Variants in KCNC2 observed in about 807,000 individuals in gnomAD.
KCNC2 encodes voltage-gated potassium channel KCNC2.
A neutral mutation model predicts 44.5 loss-of-function variants in KCNC2; 21 were observed. The observed-to-expected ratio is 0.47, with a 90% CI of 0.33 to 0.68. KCNC2 has a LOEUF of 0.68. KCNC2 is among the 30% of genes least tolerant of loss of function. KCNC2 has a pLI of 0.01. For missense variants in KCNC2, 589 were observed against 826.2 expected (o/e 0.71, Z 3.52); for synonymous variants, 391 against 339.1 (o/e 1.15, Z -1.68).
chr12:75,169,512 A>G (rs1489544703), intron 2 of KCNC2, among the ~76,000 whole-genome samples: 2 of 151,578 alleles, frequency 1.3e-5, no homozygotes, highest in African/African-American at 4.8e-5. Context: ...TAAGATTACT[A>G]TGTCCCTCGG....
At chr12:75,169,914 C>T (rs760267595) in intron 2 of KCNC2, among the ~76,000 whole-genome samples, 3 of 151,582 alleles carry the variant, frequency 2.0e-5, no homozygotes, top group Non-Finnish European at 4.4e-5. Flanking sequence ...AAACCAAGGA[C>T]CTGATTGCTT....
chr12:75,111,378 G>A (rs909626321), intron 2 of KCNC2, among the ~76,000 whole-genome samples: 4 of 151,992 alleles, frequency 2.6e-5, no homozygotes, highest in Middle Eastern at 3.2e-3. Flanking sequence ...CCATTGCACT[G>A]CTTATCCATT....
At chr12:75,148,415 C>T (rs1038947738) in intron 2 of KCNC2, among the ~76,000 whole-genome samples, 7 of 151,992 alleles carry the variant, frequency 4.6e-5, no homozygotes, top group African/African-American at 1.7e-4. Flanking sequence ...TCTAAGCATC[C>T]TTAGGTCAGG....
intron 2 of KCNC2, among the ~76,000 whole-genome samples, chr12:75,153,530 T>C (rs1346360955): frequency 2.0e-5 from 3 of 151,822 alleles, no homozygotes; most frequent in East Asian, 1.9e-4. Flanking sequence ...GGTATATTAC[T>C]TAGTGATAGC....
intron 2 of KCNC2, among the ~76,000 whole-genome samples, chr12:75,195,468 GAGAA>G (rs2030679967): frequency 6.6e-6 from 1 of 152,110 alleles, no homozygotes; most frequent in Non-Finnish European, 1.5e-5. Flanking sequence ...AATCTTGAAT[GAGAA>G]AGAAGTCATA....
At chr12:75,049,577 G>T (rs567379710) in intron 3 of KCNC2, among the ~76,000 whole-genome samples, 1 of 152,116 alleles carries the variant, frequency 6.6e-6, no homozygotes, top group African/African-American at 2.4e-5. Flanking sequence ...GCAATGGGGA[G>T]GAGCAGAGAT....
At chr12:75,177,754 T>G (rs1892291865) in intron 2 of KCNC2, among the ~76,000 whole-genome samples, 1 of 152,068 alleles carries the variant, frequency 6.6e-6, no homozygotes, top group Non-Finnish European at 1.5e-5. Flanking sequence ...AAAATTTTAT[T>G]GTTTAAATTG....
At chr12:75,119,672 T>G (rs1022488642) in intron 2 of KCNC2, among the ~76,000 whole-genome samples, 2 of 152,188 alleles carry the variant, frequency 1.3e-5, no homozygotes, top group Non-Finnish European at 2.9e-5. Flanking sequence ...GTAGACTGCA[T>G]AGGCTTTGAG....
chr12:75,083,585 T>C (rs1049877127), intron 2 of KCNC2, among the ~76,000 whole-genome samples: 9 of 151,930 alleles, frequency 5.9e-5, no homozygotes, highest in African/African-American at 2.2e-4. Context: ...TCACATAAAA[T>C]TGGGCTACAA....
chr12:75,104,540 G>A (rs1203381955), intron 2 of KCNC2, among the ~76,000 whole-genome samples: 1 of 151,960 alleles, frequency 6.6e-6, no homozygotes, highest in African/African-American at 2.4e-5. Flanking sequence ...ATATTAATGA[G>A]TATATTCAAA....
At chr12:75,086,412 A>G (rs1483772164) in intron 2 of KCNC2, among the ~76,000 whole-genome samples, 1 of 152,014 alleles carries the variant, frequency 6.6e-6, no homozygotes, top group African/African-American at 2.4e-5. Context: ...AAATTTAACT[A>G]AGATAAAAAA....
Position 75,041,110 on chromosome 12 carries a change from A to C in KCNC2, c.*1995T>G, listed in dbSNP as rs778044544. On this transcript the variant is annotated 3_prime_UTR_variant, in exon 5 of 5. Coordinates refer to ENST00000549446, the MANE Select transcript of KCNC2 (RefSeq NM_139137.4). ...AACCTGGTCACATCAGGGCACATTC[A>C]GCAGCAGAAGTCTGTTTCCAGTATA... 1.2e-5 allele frequency: 19 copies of C among 1,596,482 alleles called. No homozygotes were observed. Among genetic ancestry groups the C allele is most frequent in the African/African-American group, 1.1e-4 (8 of 74,900 alleles).
At chr12:75,094,488 G>GC (rs1885756294) in intron 2 of KCNC2, among the ~76,000 whole-genome samples, 1 of 151,548 alleles carries the variant, frequency 6.6e-6, no homozygotes, top group African/African-American at 2.4e-5. Flanking sequence ...TAAAAGCTGA[G>GC]CCTGAAAAGC....
intron 2 of KCNC2, among the ~76,000 whole-genome samples, chr12:75,117,442 G>T (rs1887744496): frequency 6.6e-6 from 1 of 152,128 alleles, no homozygotes; most frequent in Admixed American, 6.6e-5. Flanking sequence ...TGTAGCAATT[G>T]TTAGTCTCAT....
At chr12:75,111,590 C>G (rs1182512482) in intron 2 of KCNC2, among the ~76,000 whole-genome samples, 1 of 151,412 alleles carries the variant, frequency 6.6e-6, no homozygotes, top group Non-Finnish European at 1.5e-5. Context: ...ATTTTTTTCT[C>G]CAATTTTTAT....
chr12:75,188,861 C>CAATA (rs10608827), intron 2 of KCNC2, among the ~76,000 whole-genome samples: 8,350 of 142,522 alleles, frequency 0.059, 249 homozygotes, highest in Middle Eastern at 0.08. Context: ...GACTCCATCT[C>CAATA]AATAAATAAA....
intron 2 of KCNC2, among the ~76,000 whole-genome samples, chr12:75,150,514 G>A (rs1890315051): frequency 6.6e-6 from 1 of 151,616 alleles, no homozygotes; most frequent in African/African-American, 2.4e-5. Context: ...CACTCTCAAG[G>A]GTTCCTTGAC....
chr12:75,115,604 A>T (rs1222007980), intron 2 of KCNC2, among the ~76,000 whole-genome samples: 2 of 152,176 alleles, frequency 1.3e-5, no homozygotes, highest in South Asian at 4.1e-4. Context: ...TCCTCTGCAT[A>T]TCAAAGTCTT....
intron 2 of KCNC2, among the ~76,000 whole-genome samples, chr12:75,197,753 C>T (rs942219650): frequency 6.6e-6 from 1 of 151,892 alleles, no homozygotes; most frequent in Admixed American, 6.6e-5. Flanking sequence ...CAACAACATG[C>T]TACTTTATCA....
Sources: allele counts gnomAD v4.1 joint callset (sites outside exome capture counted in the v4.1 genomes callset), GRCh38; gene constraint gnomAD v4.1.1; transcripts MANE v1.5; gene names NCBI Gene and HGNC (gene_info 2026-07-23, HGNC 2026-07-21).